Variants in UBE2E2 observed in about 807,000 individuals in gnomAD.
The protein encoded by UBE2E2 is ubiquitin conjugating enzyme E2 E2.
In UBE2E2, 6 loss-of-function variants were observed where a neutral mutation model predicts 24.7. That is an observed-to-expected ratio of 0.24 (90% CI 0.13 to 0.48). UBE2E2 has a LOEUF of 0.48. Among genes scored for constraint, UBE2E2 ranks in the 20% least tolerant of loss-of-function variants. UBE2E2 has a pLI of 0.99. For synonymous variants in UBE2E2, 104 were observed against 83.6 expected, an observed-to-expected ratio of 1.24 and a Z score of -1.33; for missense variants, 169 against 245.0, an observed-to-expected ratio of 0.69 and a Z score of 2.07.
intron 3 of UBE2E2, among the ~76,000 whole-genome samples, chr3:23,340,637 A>G (rs1363578207): frequency 6.6e-6 from 1 of 152,206 alleles, no homozygotes; most frequent in East Asian, 1.9e-4. Flanking sequence ...TTATTTTAAA[A>G]CAAGAAAAAA....
intron 3 of UBE2E2, among the ~76,000 whole-genome samples, chr3:23,252,607 C>T (rs1162159020): frequency 6.6e-6 from 1 of 152,192 alleles, no homozygotes; most frequent in Non-Finnish European, 1.5e-5. Context: ...AGCGATTCTC[C>T]TGCCTCAGCC....
chr3:23,475,425 T>C (rs1699105469), intron 3 of UBE2E2, among the ~76,000 whole-genome samples: 1 of 152,076 alleles, frequency 6.6e-6, no homozygotes, highest in African/African-American at 2.4e-5. Flanking sequence ...GTATTACTTC[T>C]TTCCATGCTC....
chr3:23,258,687 A>G (rs1697806849), intron 3 of UBE2E2, among the ~76,000 whole-genome samples: 2 of 152,086 alleles, frequency 1.3e-5, no homozygotes, highest in South Asian at 4.1e-4. Flanking sequence ...AGCTCAGGAG[A>G]TGGAGACCAT....
intron 4 of UBE2E2, among the ~76,000 whole-genome samples, chr3:23,508,114 T>C (rs1694496512): frequency 6.6e-6 from 1 of 152,202 alleles, no homozygotes; most frequent in South Asian, 2.1e-4. Context: ...TTCTTTTTGG[T>C]CCGTGCTCCT....
At chr3:23,510,460 A>T (rs1694570036) in intron 4 of UBE2E2, among the ~76,000 whole-genome samples, 1 of 152,082 alleles carries the variant, frequency 6.6e-6, no homozygotes, top group Non-Finnish European at 1.5e-5. Flanking sequence ...TACAAAAATT[A>T]GCCAGGCTTG....
chr3:23,369,501 C>T (rs561433581), intron 3 of UBE2E2, among the ~76,000 whole-genome samples: 2 of 152,230 alleles, frequency 1.3e-5, no homozygotes, highest in South Asian at 4.2e-4. Context: ...ATTTGACATG[C>T]ATATTACATT....
intron 3 of UBE2E2, among the ~76,000 whole-genome samples, chr3:23,271,380 G>C (rs766414888): frequency 6.6e-6 from 1 of 152,186 alleles, no homozygotes; most frequent in Non-Finnish European, 1.5e-5. Context: ...GCTCATAAAG[G>C]TGGCGCGGAC....
intron 2 of UBE2E2, among the ~76,000 whole-genome samples, chr3:23,214,249 A>G (rs1696409715): frequency 6.6e-6 from 1 of 152,072 alleles, no homozygotes; most frequent in Non-Finnish European, 1.5e-5. Flanking sequence ...ACAGAAAATT[A>G]TGATTTATCA....
At chr3:23,244,173 A>C (rs1234345914) in intron 3 of UBE2E2, among the ~76,000 whole-genome samples, 1 of 152,048 alleles carries the variant, frequency 6.6e-6, no homozygotes, top group Non-Finnish European at 1.5e-5. Flanking sequence ...GAGGAAATTA[A>C]AAAAAAGTTT....
intron 3 of UBE2E2, among the ~76,000 whole-genome samples, chr3:23,271,488 C>G (rs1244242660): frequency 6.6e-6 from 1 of 152,152 alleles, no homozygotes; most frequent in Non-Finnish European, 1.5e-5. Context: ...GCCGCTGGCT[C>G]GGGCAGCCTG....
chr3:23,337,174 TTTATAG>T (rs1695234560), intron 3 of UBE2E2, among the ~76,000 whole-genome samples: 1 of 151,814 alleles, frequency 6.6e-6, no homozygotes, highest in African/African-American at 2.4e-5. Flanking sequence ...TGATTACTAC[TTTATAG>T]TTATATTTTC....
intron 3 of UBE2E2, among the ~76,000 whole-genome samples, chr3:23,433,995 C>G (rs986925600): frequency 6.6e-6 from 1 of 151,816 alleles, no homozygotes; most frequent in Non-Finnish European, 1.5e-5. Context: ...ATAGTGAAAC[C>G]CATTTTATTT....
At chr3:23,393,523 C>A (rs1697003300) in intron 3 of UBE2E2, among the ~76,000 whole-genome samples, 1 of 152,128 alleles carries the variant, frequency 6.6e-6, no homozygotes, top group Admixed American at 6.6e-5. Flanking sequence ...TGATGTCTCC[C>A]TAATCTGTGT....
At chr3:23,507,624 A>C (rs1694487716) in intron 4 of UBE2E2, among the ~76,000 whole-genome samples, 1 of 152,238 alleles carries the variant, frequency 6.6e-6, no homozygotes, top group South Asian at 2.1e-4. Flanking sequence ...CAGAACCAGA[A>C]TCTAAACCCA....
chr3:23,219,752 C>T (rs530893498), intron 3 of UBE2E2, among the ~76,000 whole-genome samples: 40 of 152,086 alleles, frequency 2.6e-4, no homozygotes, highest in Non-Finnish European at 4.4e-4. Context: ...CCTTTTGGTT[C>T]CCTGGGTAGT....
rs137974001 is a variant in UBE2E2 at position 23,220,176 on chromosome 3, G to A, written c.227+2864G>A. ...AGGAAGTTATTCTAATATAGTATTG[G>A]TTAATTTTTTTTCAGGTTTTGAATA... On this transcript the variant is annotated intron_variant, in intron 3 of 5. Transcript: ENST00000396703. Among the ~76,000 whole-genome samples the A allele has an allele frequency of 3.3e-3, 501 of 152,178 alleles. 2 individuals carry two copies. The highest frequency in any genetic ancestry group is 5.5e-3 in the Non-Finnish European group (374 of 67,992).
intron 3 of UBE2E2, among the ~76,000 whole-genome samples, chr3:23,362,720 A>G (rs1027483107): frequency 4.0e-5 from 6 of 151,726 alleles, no homozygotes; most frequent in Non-Finnish European, 8.8e-5. Context: ...AGAGGGTGCA[A>G]CCTCCCTTTG....
intron 3 of UBE2E2, among the ~76,000 whole-genome samples, chr3:23,345,327 T>G (rs938093644): frequency 1.3e-5 from 2 of 152,218 alleles, no homozygotes; most frequent in Admixed American, 6.5e-5. Context: ...TTATTGGTTA[T>G]TAATATTTGG....
At chr3:23,405,393 C>G (rs146523318) in intron 3 of UBE2E2, among the ~76,000 whole-genome samples, 4 of 152,308 alleles carry the variant, frequency 2.6e-5, no homozygotes, top group African/African-American at 9.6e-5. Context: ...TTGTTAGTGG[C>G]AGAGCCTGAA....
Sources: gnomAD v4.1 joint callset for allele counts (sites outside exome capture counted in the v4.1 genomes callset) on GRCh38, gnomAD v4.1.1 for gene constraint, MANE v1.5 for transcripts, NCBI Gene and HGNC (gene_info 2026-07-23, HGNC 2026-07-21) for gene names.